CRELD2: variants seen among roughly 807,000 people sequenced by gnomAD.
CRELD2 encodes CRELD disulfide isomerase 2, also known as protein disulfide isomerase CRELD2.
CRELD2 carries 33 observed loss-of-function variants against 48.1 expected under a neutral mutation model. The observed-to-expected ratio is 0.69, with a 90% CI of 0.52 to 0.92. The LOEUF is 0.92. Among genes scored for constraint, CRELD2 ranks in the 40% least tolerant of loss-of-function variants. The probability of loss-of-function intolerance (pLI) is 0.00; values close to 1 mark genes in which losing one functional copy is unlikely to be tolerated. For missense variants in CRELD2, 477 were observed against 482.4 expected, an observed-to-expected ratio of 0.99 and a Z score of 0.10; for synonymous variants, 220 against 203.9, an observed-to-expected ratio of 1.08 and a Z score of -0.67.
intron 2 of CRELD2, 104 bp downstream of exon 2, chr22:49,919,416 C>A: frequency 1.9e-6 from 2 of 1,051,868 alleles, no homozygotes; most frequent in Non-Finnish European, 2.9e-6. Flanking sequence ...CAGAACAGCC[C>A]CCGAGGCACC....
rs779916602 is a variant in CRELD2, at chr22:49,922,371, T to C, written c.593-241T>C. On this transcript the variant is annotated intron_variant, in intron 5 of 9. Transcript: ENST00000328268. ...ATGTTGGCGTGGCGTGGGCCACGCA[T>C]GGATCCGTGGCCGGAACACGCACAC... The C allele has an allele frequency of 2.9e-5, 47 of 1,611,092 alleles. No homozygotes were observed. The highest frequency in any genetic ancestry group is 3.8e-5 in the Non-Finnish European group (45 of 1,179,014).
At position 49,927,321 on chromosome 22, in the gene CRELD2, C is replaced by G. The variant is rs746748896; in HGVS notation, c.*14C>G. On this transcript the variant is annotated 3_prime_UTR_variant, in exon 10 of 10. Coordinates refer to ENST00000328268, the MANE Select transcript of CRELD2 (RefSeq NM_024324.5). ...GAAGACCTGTAATGTGCCGGACTTACCCTTTAAATTATTCAGAAGGATGTC... is the reference window on the plus strand; with the variant it reads ...GAAGACCTGTAATGTGCCGGACTTAGCCTTTAAATTATTCAGAAGGATGTC... The G allele has an allele frequency of 6.2e-7, 1 of 1,608,262 alleles. No individual in the cohort carries two copies. The highest frequency in any genetic ancestry group is 1.1e-5 in the South Asian group (1 of 90,962).
rs1569188202 is a variant in CRELD2, at chr22:49,925,404, CTT to C, written c.869-10_869-9del. The C allele has an allele frequency of 6.5e-7, 1 of 1,539,110 alleles. No homozygotes were observed. The highest frequency in any genetic ancestry group is 1.1e-5 in the South Asian group (1 of 87,040). ...AGCAAAGTAATTATTAAAACGGAGT[CTT>C]TTCATTTTAGATGTGGACGAGTGCT... On this transcript the variant is annotated splice_polypyrimidine_tract_variant and intron_variant, in intron 8 of 9. Coordinates refer to ENST00000328268, the MANE Select transcript of CRELD2 (RefSeq NM_024324.5).
intron 2 of CRELD2, 89 bp from the exon 3 acceptor site, chr22:49,919,641 C>A: frequency 1.0e-6 from 1 of 958,424 alleles, no homozygotes; most frequent in South Asian, 1.6e-5. Flanking sequence ...GGCTCCCCGG[C>A]CCCTGCACCC....
intron 4 of CRELD2, among the ~76,000 whole-genome samples, chr22:49,920,841 C>T (rs550179530): frequency 3.9e-5 from 6 of 152,368 alleles, no homozygotes; most frequent in South Asian, 2.1e-4. Flanking sequence ...CATCAGCCTT[C>T]TGCCAGCCCC....
chr22:49,923,125 C>T, intron 6 of CRELD2, 109 bp from the exon 7 acceptor site: 1 of 831,712 alleles, frequency 1.2e-6, no homozygotes, highest in Non-Finnish European at 1.8e-6. Context: ...TCCTCCCTGC[C>T]CTTCCCCAGC....
At chr22:49,919,341 C>G (rs750759716) in intron 2 of CRELD2, 29 bp downstream of exon 2, 2 of 1,599,710 alleles carry the variant, frequency 1.3e-6, no homozygotes, top group African/African-American at 2.7e-5. Flanking sequence ...CCCTGTGGGT[C>G]TTGGCCTGGC....
chr22:49,923,351 C>CTGCACTCCGGGGCA (rs2146655217), intron 7 of CRELD2, 34 bp downstream of exon 7: 1 of 1,553,548 alleles, frequency 6.4e-7, no homozygotes, highest in Non-Finnish European at 8.9e-7. Context: ...ACTCCGGGGC[C>CTGCACTCCGGGGCA]TGCCGGGTTT....
At chr22:49,924,650 T>C in intron 8 of CRELD2, 195 bp downstream of exon 8, 2 of 467,318 alleles carry the variant, frequency 4.3e-6, no homozygotes, top group Non-Finnish European at 7.8e-6. Context: ...GGACGGGCTC[T>C]GCATGGCCGA....
intron 2 of CRELD2, 122 bp downstream of exon 2, chr22:49,919,434 C>T (rs9616384): frequency 0.2 from 172,242 of 880,130 alleles, 19,044 homozygotes; most frequent in African/African-American, 0.34. Flanking sequence ...ACCAGTCACC[C>T]GTCCGAGTCA....
chr22:49,923,345 CG>C, intron 7 of CRELD2, 28 bp downstream of exon 7: 2 of 1,558,250 alleles, frequency 1.3e-6, no homozygotes, highest in Non-Finnish European at 1.8e-6. Flanking sequence ...GTCTGCACTC[CG>C]GGGCCTGCCG....
At chr22:49,922,811 A>ATAAGGCGT (rs2060708617) in intron 6 of CRELD2, 104 bp downstream of exon 6, 1 of 80,886 alleles carries the variant, frequency 1.2e-5, no homozygotes, top group African/African-American at 6.1e-5. Context: ...GGCGGGAGGC[A>ATAAGGCGT]GGGGGGCGTG....
chr22:49,920,238 G>T lies in CRELD2; in HGVS notation c.406G>T (p.Asp136Tyr), dbSNP rs756038625. 5.0e-6 allele frequency: 8 copies of T among 1,608,578 alleles called. No homozygotes were observed. The highest frequency in any genetic ancestry group is 6.8e-6 in the Non-Finnish European group (8 of 1,175,844). ...VCCSPGTYGP[D>Y]CLACQGGSQR... ...CTGCTCTCCAGGAACCTACGGTCCC[G>T]ACTGTCTCGGTGCGTTTCTCCTCAG... Residue 136 changes from aspartate to tyrosine, a missense_variant, in exon 4 of 10, where the codon GAC becomes TAC. Asp to Tyr is a radical substitution (Grantham distance 160). Coordinates refer to ENST00000328268, the MANE Select transcript of CRELD2 (RefSeq NM_024324.5).
chr22:49,923,687 T>C, intron 7 of CRELD2: 1 of 383,304 alleles, frequency 2.6e-6, no homozygotes. Context: ...GTCACGCTAA[T>C]GATTTTGGAG....
intron 5 of CRELD2, chr22:49,922,069 G>A: frequency 1.6e-6 from 1 of 615,014 alleles, no homozygotes; most frequent in Non-Finnish European, 2.8e-6. Flanking sequence ...TGCCGTGTGG[G>A]CCCCGCACCG....
intron 5 of CRELD2, chr22:49,922,404 G>A (rs372875064): frequency 2.4e-5 from 39 of 1,609,278 alleles, no homozygotes; most frequent in Non-Finnish European, 3.1e-5. Context: ...CACCCAGCCA[G>A]GCTACAGCTC....
chr22:49,923,358 G>GGCCTGCCGGC, intron 7 of CRELD2, 41 bp downstream of exon 7: 1 of 1,394,950 alleles, frequency 7.2e-7, no homozygotes, highest in Non-Finnish European at 9.9e-7. Context: ...GGCCTGCCGG[G>GGCCTGCCGGC]TTTCGTTGCT....
chr22:49,918,940 G>A lies in CRELD2; in HGVS notation c.129+42G>A, dbSNP rs542066628. The A allele has an allele frequency of 1.3e-5, 17 of 1,326,762 alleles. No individual in the cohort carries two copies. The East Asian group carries it at 3.0e-4, about 23-fold the overall frequency. 82.2% of individuals were successfully genotyped at this position (1,326,762 alleles called of 1,614,324 possible). On this transcript the variant is annotated intron_variant, in intron 1 of 9. Coordinates refer to ENST00000328268, the MANE Select transcript of CRELD2 (RefSeq NM_024324.5). ...CGGGGTCGTCAACCTTGGGCCCGGG[G>A]TCCCCCTCACCCTGCATCCGGGGTC...
chr22:49,920,756 T>G (rs2060677050), intron 4 of CRELD2, among the ~76,000 whole-genome samples: 1 of 152,146 alleles, frequency 6.6e-6, no homozygotes, highest in Admixed American at 6.5e-5. Flanking sequence ...CGGTTTACTG[T>G]TTATAAAAGC....
Sources: allele counts gnomAD v4.1 joint callset (sites outside exome capture counted in the v4.1 genomes callset), GRCh38; gene constraint gnomAD v4.1.1; transcripts MANE v1.5; gene names NCBI Gene and HGNC (gene_info 2026-07-23, HGNC 2026-07-21).